SNTG2: variants seen among roughly 807,000 people sequenced by gnomAD.
SNTG2 encodes the protein gamma-2-syntrophin.
A neutral mutation model predicts 70.9 loss-of-function variants in SNTG2; 74 were observed. That is an observed-to-expected ratio of 1.04 (90% confidence interval 0.86 to 1.27). SNTG2 has a LOEUF of 1.27. Among genes scored for constraint, SNTG2 ranks in the 50% most tolerant of loss-of-function variants. The pLI is 0.00. For missense variants in SNTG2, 717 were observed against 690.7 expected, an observed-to-expected ratio of 1.04 and a Z score of -0.43; for synonymous variants, 278 against 273.8, an observed-to-expected ratio of 1.02 and a Z score of -0.15.
chr2:1,079,923 G>A (rs943143251), intron 1 of SNTG2, among the ~76,000 whole-genome samples: 14 of 152,308 alleles, frequency 9.2e-5, no homozygotes, highest in Middle Eastern at 3.4e-3. Context: ...CCCTTCCTCC[G>A]AAGGCGGCTG....
intron 16 of SNTG2, among the ~76,000 whole-genome samples, chr2:1,365,927 G>A (rs759043314): frequency 4.6e-5 from 7 of 152,168 alleles, no homozygotes; most frequent in Non-Finnish European, 1.5e-5. Flanking sequence ...ACCCGGTGAT[G>A]TGTGACCTCC....
chr2:987,626 G>T (rs923356457), intron 1 of SNTG2, among the ~76,000 whole-genome samples: 3 of 152,058 alleles, frequency 2.0e-5, no homozygotes, highest in African/African-American at 4.8e-5. Context: ...CTGACGCCTC[G>T]ATTTCAGGAC....
chr2:1,166,296 T>G (rs1670700480), intron 7 of SNTG2, among the ~76,000 whole-genome samples: 1 of 152,090 alleles, frequency 6.6e-6, no homozygotes, highest in African/African-American at 2.4e-5. Context: ...TCCCCTGAAG[T>G]CAACATCTGC....
intron 4 of SNTG2, among the ~76,000 whole-genome samples, chr2:1,112,219 T>A (rs1666518338): frequency 6.6e-6 from 1 of 151,422 alleles, no homozygotes; most frequent in African/African-American, 2.4e-5. Flanking sequence ...GAGGATCGTG[T>A]GTACTAAGTG....
chr2:1,073,293 G>T (rs1482084695), intron 1 of SNTG2, among the ~76,000 whole-genome samples: 1 of 152,136 alleles, frequency 6.6e-6, no homozygotes, highest in Non-Finnish European at 1.5e-5. Flanking sequence ...CTTCAATGTT[G>T]TCTTATTTTA....
chr2:1,259,071 A>C (rs1335424587), intron 12 of SNTG2, among the ~76,000 whole-genome samples: 2 of 152,226 alleles, frequency 1.3e-5, no homozygotes, highest in Admixed American at 6.5e-5. Flanking sequence ...GCCCAATTGC[A>C]TGTGATAGAC....
chr2:1,134,681 G>C (rs941680903), intron 4 of SNTG2, among the ~76,000 whole-genome samples: 1 of 152,164 alleles, frequency 6.6e-6, no homozygotes. Context: ...ATCCCCCACC[G>C]GGGCTGCAGG....
chr2:1,204,405 T>C (rs1054218520), intron 8 of SNTG2, among the ~76,000 whole-genome samples: 4 of 152,264 alleles, frequency 2.6e-5, no homozygotes, highest in Non-Finnish European at 4.4e-5. Context: ...AAACCTCTTA[T>C]TTAAACACAA....
rs555631867 is a variant in SNTG2, at chr2:1,084,869, G to T, written c.210+1214G>T. On this transcript the variant is annotated intron_variant, in intron 2 of 16. Transcript: ENST00000308624. ...GGTGAGATCTCTCCGCCAAGCTTTC[G>T]TGTGAGGGCACCTGACCCCATTCAT... is the stretch of plus-strand genomic sequence containing the variant. 1.4e-3 allele frequency among the ~76,000 whole-genome samples: 220 copies of T among 152,256 alleles called. 3 individuals carry two copies. The highest frequency in any genetic ancestry group is 5.2e-3 in the African/African-American group (218 of 41,544).
At chr2:1,156,045 G>A (rs1050575265) in intron 6 of SNTG2, among the ~76,000 whole-genome samples, 10 of 152,294 alleles carry the variant, frequency 6.6e-5, no homozygotes, top group African/African-American at 2.2e-4. Context: ...AACAGCAAGA[G>A]ACCAAGGGGT....
intron 1 of SNTG2, among the ~76,000 whole-genome samples, chr2:999,505 G>C (rs1033809517): frequency 6.6e-6 from 1 of 151,926 alleles, no homozygotes; most frequent in African/African-American, 2.4e-5. Context: ...ACTAATATCA[G>C]ATAAAACAGG....
intron 4 of SNTG2, among the ~76,000 whole-genome samples, chr2:1,118,646 A>G (rs957460414): frequency 1.4e-5 from 2 of 144,114 alleles, no homozygotes; most frequent in African/African-American, 5.2e-5. Context: ...TCAATAGCAG[A>G]CCTAGATTAA....
At chr2:1,354,297 C>CCGCG (rs1370871739) in intron 16 of SNTG2, among the ~76,000 whole-genome samples, 1 of 68,816 alleles carries the variant, frequency 1.5e-5, no homozygotes, top group African/African-American at 5.3e-5. Context: ...CCCTGAGCCT[C>CCGCG]ATCTGTAAAG....
chr2:996,608 G>A (rs114358036), intron 1 of SNTG2, among the ~76,000 whole-genome samples: 5,118 of 143,748 alleles, frequency 0.036, 99 homozygotes, highest in South Asian at 0.07. Flanking sequence ...ATGTATATGT[G>A]TGTATATATT....
intron 8 of SNTG2, among the ~76,000 whole-genome samples, chr2:1,196,128 A>C (rs549549273): frequency 6.6e-6 from 1 of 152,166 alleles, no homozygotes; most frequent in Non-Finnish European, 1.5e-5. Flanking sequence ...CTCAATATCA[A>C]ATACTTTTGA....
At chr2:1,288,387 T>C (rs1437236301) in intron 14 of SNTG2, among the ~76,000 whole-genome samples, 1 of 152,156 alleles carries the variant, frequency 6.6e-6, no homozygotes, top group Admixed American at 6.5e-5. Flanking sequence ...AAGAAGAAAT[T>C]TGTATCGCCA....
chr2:1,017,205 A>G (rs1052226851), intron 1 of SNTG2, among the ~76,000 whole-genome samples: 3 of 152,134 alleles, frequency 2.0e-5, no homozygotes, highest in African/African-American at 7.2e-5. Flanking sequence ...TGTCAGTCTT[A>G]TGATCTCTGT....
chr2:1,163,308 C>T (rs1670462302), intron 6 of SNTG2: 1 of 149,886 alleles, frequency 6.7e-6, no homozygotes, highest in African/African-American at 2.5e-5. Flanking sequence ...GTGAGGCCTC[C>T]CAATAGGAAG....
At chr2:1,298,464 A>G (rs141570139) in intron 14 of SNTG2, among the ~76,000 whole-genome samples, 95 of 152,302 alleles carry the variant, frequency 6.2e-4, no homozygotes, top group African/African-American at 2.2e-3. Context: ...ATTAATATGT[A>G]AACAGAAGAC....
Sources: allele counts gnomAD v4.1 joint callset (sites outside exome capture counted in the v4.1 genomes callset), GRCh38; gene constraint gnomAD v4.1.1; transcripts MANE v1.5; gene names NCBI Gene and HGNC (gene_info 2026-07-23, HGNC 2026-07-21).